CHD7: variants seen among roughly 807,000 people sequenced by gnomAD.
CHD7 encodes the protein ATP-dependent chromatin remodeler CHD7.
Under a neutral mutation model 307.3 loss-of-function variants are expected in CHD7, and 24 were observed. The observed-to-expected ratio is 0.08, with a 90% confidence interval of 0.06 to 0.11. The LOEUF (loss-of-function observed/expected upper bound fraction) is 0.11, where lower values mean the gene tolerates loss of function less well. Among genes scored for constraint, CHD7 ranks in the 10% least tolerant of loss-of-function variants. The pLI, the probability that CHD7 is intolerant of heterozygous loss-of-function variation, is 1.00. For synonymous variants in CHD7, 1,363 were observed against 1,349.9 expected (o/e 1.01, Z -0.21); for missense variants, 3,106 against 3,727.1 (o/e 0.83, Z 4.34).
At position 60,794,311 on chromosome 8, in the gene CHD7, A is replaced by G. The variant is rs541648105; in HGVS notation, c.2097-675A>G. Among the ~76,000 whole-genome samples the G allele has an allele frequency of 4.6e-4, 70 of 152,324 alleles. No individual in the cohort carries two copies. In the South Asian group the frequency reaches 0.013, roughly 29 times the overall value. ...ATTTGTCAGCAACATACTATGAAAC[A>G]TGCACTTTATTAGGGTTGCTTTACT... is the stretch of plus-strand genomic sequence containing the variant. On this transcript the variant is annotated intron_variant, in intron 3 of 37. Coordinates refer to ENST00000423902, the MANE Select transcript of CHD7 (RefSeq NM_017780.4).
rs10957160 is a variant in CHD7 at position 60,800,056 on chromosome 8, A to T, written c.2239-332A>T. On this transcript the variant is annotated intron_variant, in intron 4 of 37. Transcript: ENST00000423902. ...TTTTCTTTTTTTTTTTTTAAGACGC[A>T]GTCTTGCTCTGTCGTCCAGACTGCA... 0.25 allele frequency among the ~76,000 whole-genome samples: 37,586 copies of T among 151,300 alleles called. 7,990 individuals are homozygous for T. Among genetic ancestry groups the T allele is most frequent in the African/African-American group, 0.58 (23,934 of 41,138 alleles).
intron 3 of CHD7, among the ~76,000 whole-genome samples, chr8:60,786,485 T>TC (rs1811497087): frequency 6.6e-6 from 1 of 152,218 alleles, no homozygotes. Flanking sequence ...TGCAGTGGAC[T>TC]CCAAAGCAGT....
chr8:60,780,420 A>G (rs1272608339), intron 2 of CHD7, among the ~76,000 whole-genome samples: 1 of 152,254 alleles, frequency 6.6e-6, no homozygotes, highest in Non-Finnish European at 1.5e-5. Context: ...CCAATCCAAA[A>G]TCATCAAGTT....
chr8:60,793,198 A>C (rs1388587674), intron 3 of CHD7, among the ~76,000 whole-genome samples: 4 of 152,158 alleles, frequency 2.6e-5, no homozygotes, highest in Admixed American at 2.6e-4. Flanking sequence ...ACTTCTGTCC[A>C]TGTGTAGCGT....
At chr8:60,712,473 C>G (rs1317240524) in intron 1 of CHD7, among the ~76,000 whole-genome samples, 1 of 152,210 alleles carries the variant, frequency 6.6e-6, no homozygotes. Context: ...AGAATCGGCC[C>G]TCCTGCATCG....
intron 1 of CHD7, among the ~76,000 whole-genome samples, chr8:60,684,039 AATGTT>A (rs1208230094): frequency 2.0e-5 from 3 of 152,224 alleles, no homozygotes; most frequent in Middle Eastern, 3.2e-3. Context: ...CATTTTAACT[AATGTT>A]AGGTGACTGA....
At position 60,696,753 on chromosome 8, in the gene CHD7, G is replaced by A. The variant is rs529026657; in HGVS notation, c.-175+17671G>A. 5.9e-5 allele frequency among the ~76,000 whole-genome samples: 9 copies of A among 151,740 alleles called. No individual in the cohort carries two copies. The South Asian group carries it at 1.9e-3, about 32-fold the overall frequency. On this transcript the variant is annotated intron_variant, in intron 1 of 37. Transcript: ENST00000423902. ...CTGACAGTTTTTCAGTAATTTTGTG[G>A]TATAGACAGGAAAATCTTTTTTTAG... is the stretch of plus-strand genomic sequence containing the variant.
chr8:60,820,150 G>C, intron 9 of CHD7, 60 bp downstream of exon 9: 1 of 1,109,490 alleles, frequency 9.0e-7, no homozygotes, highest in African/African-American at 1.5e-5. Context: ...CATGTTTATA[G>C]AGAAGATGGT....
At chr8:60,679,671 G>C (rs932176681) in intron 1 of CHD7, 20 of 146,294 alleles carry the variant, frequency 1.4e-4, no homozygotes, top group Admixed American at 8.1e-4. Context: ...TCCCGCCCCC[G>C]CCCCCCGCTC....
chr8:60,749,550 T>C (rs1809524467), intron 2 of CHD7, among the ~76,000 whole-genome samples: 1 of 152,098 alleles, frequency 6.6e-6, no homozygotes, highest in African/African-American at 2.4e-5. Context: ...TTGTCAATAC[T>C]ACCTTTCTCA....
chr8:60,759,884 C>A (rs893247540), intron 2 of CHD7, among the ~76,000 whole-genome samples: 4 of 152,176 alleles, frequency 2.6e-5, no homozygotes, highest in East Asian at 1.9e-4. Context: ...ATTCATTCAT[C>A]CATCTATTCA....
chr8:60,826,640 T>C (rs1052932102), intron 13 of CHD7, among the ~76,000 whole-genome samples: 16 of 152,206 alleles, frequency 1.1e-4, no homozygotes, highest in African/African-American at 3.9e-4. Context: ...AATGAGTGTC[T>C]TCAGCTCTGC....
intron 15 of CHD7, among the ~76,000 whole-genome samples, chr8:60,835,749 C>T (rs889978836): frequency 1.3e-5 from 2 of 152,174 alleles, no homozygotes; most frequent in Admixed American, 6.5e-5. Context: ...CTGTAGGTAT[C>T]TGGCCCTTGG....
intron 2 of CHD7, among the ~76,000 whole-genome samples, chr8:60,777,653 A>G (rs576032330): frequency 6.6e-6 from 1 of 152,284 alleles, no homozygotes; most frequent in Non-Finnish European, 1.5e-5. Context: ...ACGATAATTT[A>G]GTTGTATGTC....
intron 7 of CHD7, among the ~76,000 whole-genome samples, chr8:60,811,495 A>C (rs577210799): frequency 6.6e-6 from 1 of 152,142 alleles, no homozygotes; most frequent in African/African-American, 2.4e-5. Context: ...ACATCTGTTC[A>C]TAGGGGTCCT....
In CHD7 at chr8:60,820,035, A is replaced by G; in HGVS notation, c.2642A>G (p.Tyr881Cys). 1.2e-6 allele frequency: 2 copies of G among 1,610,734 alleles called. No homozygotes were observed. The highest frequency in any genetic ancestry group is 8.5e-7 in the Non-Finnish European group (1 of 1,178,328). ...EIEDELFNPD[Y>C]VEVDRIMDFA... Reference sequence around the variant, plus strand: ...GAGGATGAGCTTTTTAATCCAGATTATGTGGAGGTTGACCGGATAATGGAC... The same window carrying G: ...GAGGATGAGCTTTTTAATCCAGATTGTGTGGAGGTTGACCGGATAATGGAC... The change falls in exon 9 of 38, where the codon TAT becomes TGT. Residue 881 changes from tyrosine to cysteine, a missense_variant. This residue lies in a region of CHD7 where 188 missense variants were observed against 261.7 expected (regional missense o/e 0.72). Transcript: ENST00000423902.
intron 2 of CHD7, among the ~76,000 whole-genome samples, chr8:60,758,213 G>A (rs1467559120): frequency 6.6e-6 from 1 of 151,858 alleles, no homozygotes; most frequent in Non-Finnish European, 1.5e-5. Flanking sequence ...ATGGCTCACT[G>A]CGTCCTCTAC....
intron 7 of CHD7, chr8:60,809,746 T>G (rs1326995632): frequency 6.6e-6 from 1 of 151,606 alleles, no homozygotes; most frequent in Non-Finnish European, 1.5e-5. Flanking sequence ...GAAATTAAGA[T>G]TTCCATAAAA....
At chr8:60,729,180 A>G (rs1808318205) in intron 1 of CHD7, among the ~76,000 whole-genome samples, 1 of 152,186 alleles carries the variant, frequency 6.6e-6, no homozygotes, top group South Asian at 2.1e-4. Flanking sequence ...CTGTCTTAGG[A>G]TGGCAGGATT....
Sources: allele counts gnomAD v4.1 joint callset (sites outside exome capture counted in the v4.1 genomes callset), GRCh38; gene constraint gnomAD v4.1.1; regional missense constraint gnomAD v4.1.1; transcripts MANE v1.5; gene names NCBI Gene and HGNC (gene_info 2026-07-23, HGNC 2026-07-21).